Variants in RPS6KA5 observed in about 807,000 individuals in gnomAD.
The protein encoded by RPS6KA5 is ribosomal protein S6 kinase alpha-5.
RPS6KA5 carries 27 observed loss-of-function variants against 85.5 expected under a neutral mutation model. The observed-to-expected ratio is 0.32, with a 90% confidence interval of 0.23 to 0.44. The LOEUF (loss-of-function observed/expected upper bound fraction) is 0.44, where lower values mean the gene tolerates loss of function less well. RPS6KA5 is among the 20% of genes least tolerant of loss of function. The probability of loss-of-function intolerance (pLI) is 1.00; values close to 1 mark genes in which losing one functional copy is unlikely to be tolerated. For missense variants in RPS6KA5, 811 were observed against 980.9 expected, an observed-to-expected ratio of 0.83 and a Z score of 2.31; for synonymous variants, 334 against 348.2, an observed-to-expected ratio of 0.96 and a Z score of 0.46.
chr14:91,006,278 A>C (rs2041015581), intron 1 of RPS6KA5, among the ~76,000 whole-genome samples: 1 of 152,220 alleles, frequency 6.6e-6, no homozygotes, highest in Non-Finnish European at 1.5e-5. Context: ...ATTCTCTTGC[A>C]CTTCTCCCTT....
chr14:90,894,661 A>T, intron 12 of RPS6KA5, 78 bp from the exon 13 acceptor site: 1 of 1,463,500 alleles, frequency 6.8e-7, no homozygotes, highest in East Asian at 2.4e-5. Context: ...TTTATTGACT[A>T]TCTACCACCA....
chr14:90,955,245 T>C (rs1416223876), intron 3 of RPS6KA5, among the ~76,000 whole-genome samples: 2 of 152,190 alleles, frequency 1.3e-5, no homozygotes, highest in Admixed American at 1.3e-4. Flanking sequence ...TGTAGTGTCT[T>C]CATTGTCTCT....
At chr14:90,904,096 A>C (rs534097906) in intron 8 of RPS6KA5, among the ~76,000 whole-genome samples, 12 of 152,092 alleles carry the variant, frequency 7.9e-5, no homozygotes, top group East Asian at 7.7e-4. Flanking sequence ...ACTACAGGCG[A>C]CCGCCACCAT....
chr14:90,953,782 CT>C (rs1187923736), intron 3 of RPS6KA5, among the ~76,000 whole-genome samples: 1 of 152,170 alleles, frequency 6.6e-6, no homozygotes, highest in Non-Finnish European at 1.5e-5. Context: ...CATACTAGGA[CT>C]GGGAAACTCC....
intron 2 of RPS6KA5, among the ~76,000 whole-genome samples, chr14:90,983,600 CA>C (rs1287639211): frequency 6.9e-6 from 1 of 145,050 alleles, no homozygotes; most frequent in Non-Finnish European, 1.5e-5. Flanking sequence ...AACTCTGTCT[CA>C]GGGGGAGAAA....
intron 7 of RPS6KA5, among the ~76,000 whole-genome samples, chr14:90,911,708 C>G (rs2140264115): frequency 1.3e-5 from 2 of 152,128 alleles, no homozygotes; most frequent in East Asian, 3.9e-4. Flanking sequence ...TAAATTTCAG[C>G]AAAAACTGAA....
chr14:90,965,549 G>A (rs1413219113), intron 3 of RPS6KA5, among the ~76,000 whole-genome samples: 1 of 152,108 alleles, frequency 6.6e-6, no homozygotes, highest in South Asian at 2.1e-4. Flanking sequence ...TGGGATTGTG[G>A]GTTTGAGAAG....
At chr14:90,965,560 T>C (rs2039021061) in intron 3 of RPS6KA5, among the ~76,000 whole-genome samples, 1 of 152,012 alleles carries the variant, frequency 6.6e-6, no homozygotes, top group Non-Finnish European at 1.5e-5. Context: ...GTTTGAGAAG[T>C]AATAAGAGGC....
At chr14:90,983,420 G>C (rs2039892622) in intron 2 of RPS6KA5, among the ~76,000 whole-genome samples, 1 of 151,766 alleles carries the variant, frequency 6.6e-6, no homozygotes, top group African/African-American at 2.4e-5. Context: ...GGCAACATAG[G>C]GAGACCCCGT....
chr14:91,036,430 G>A (rs2042413222), intron 1 of RPS6KA5, among the ~76,000 whole-genome samples: 1 of 152,192 alleles, frequency 6.6e-6, no homozygotes, highest in African/African-American at 2.4e-5. Context: ...GTAACAGGAT[G>A]GATGGATGGG....
intron 1 of RPS6KA5, among the ~76,000 whole-genome samples, chr14:91,059,234 G>C (rs2043499228): frequency 7.5e-6 from 1 of 133,852 alleles, no homozygotes; most frequent in Admixed American, 9.3e-5. Context: ...TAGCTACTCC[G>C]GAGGCTGAGG....
chr14:91,022,211 C>T (rs1177405659), intron 1 of RPS6KA5, among the ~76,000 whole-genome samples: 1 of 152,142 alleles, frequency 6.6e-6, no homozygotes, highest in African/African-American at 2.4e-5. Flanking sequence ...GTGAAACTGA[C>T]TTTAAACTTG....
chr14:91,022,835 C>T (rs1164147136), intron 1 of RPS6KA5, among the ~76,000 whole-genome samples: 1 of 151,982 alleles, frequency 6.6e-6, no homozygotes. Context: ...ACATGTAATC[C>T]CAGCACTTTG....
chr14:90,930,011 A>C (rs2036887181), intron 5 of RPS6KA5, among the ~76,000 whole-genome samples: 1 of 152,102 alleles, frequency 6.6e-6, no homozygotes, highest in African/African-American at 2.4e-5. Flanking sequence ...GCTGGGACTA[A>C]AGGCATGCAC....
chr14:90,873,578 T>C lies in RPS6KA5; in HGVS notation c.2160+54A>G, dbSNP rs532963520. ...ATCTGAGGCTACAGAGTAAGAACAT[T>C]TGATTATGATTCCTACTCAAACCGC... On this transcript the variant is annotated intron_variant, in intron 16 of 16. Coordinates refer to ENST00000614987, the MANE Select transcript of RPS6KA5 (RefSeq NM_004755.4). 1.9e-4 allele frequency: 281 copies of C among 1,485,302 alleles called. 1 individual carries two copies. The highest frequency in any genetic ancestry group is 1.7e-3 in the South Asian group (126 of 76,044). 92.0% of individuals were successfully genotyped at this position (1,485,302 alleles called of 1,614,324 possible).
chr14:90,971,423 T>C (rs2039317916), intron 3 of RPS6KA5, among the ~76,000 whole-genome samples: 1 of 152,168 alleles, frequency 6.6e-6, no homozygotes, highest in African/African-American at 2.4e-5. Context: ...CATCTAGCCC[T>C]TCACTGGTCA....
intron 14 of RPS6KA5, among the ~76,000 whole-genome samples, 199 bp from the exon 15 acceptor site, chr14:90,875,559 C>T (rs555709523): frequency 3.9e-5 from 6 of 152,184 alleles, no homozygotes; most frequent in African/African-American, 1.2e-4. Flanking sequence ...TGGGTATATA[C>T]CCAAAGGATT....
At chr14:91,007,885 T>C (rs184612272) in intron 1 of RPS6KA5, among the ~76,000 whole-genome samples, 150 of 152,308 alleles carry the variant, frequency 9.8e-4, no homozygotes, top group African/African-American at 3.1e-3. Context: ...AAAATAGGCC[T>C]AAAGCAGACC....
chr14:90,945,356 A>G (rs1471799918), intron 4 of RPS6KA5, among the ~76,000 whole-genome samples: 1 of 152,258 alleles, frequency 6.6e-6, no homozygotes, highest in Non-Finnish European at 1.5e-5. Flanking sequence ...TATATTGAAC[A>G]GACATTGACT....
Sources: gnomAD v4.1 joint callset for allele counts (sites outside exome capture counted in the v4.1 genomes callset) on GRCh38, gnomAD v4.1.1 for gene constraint, MANE v1.5 for transcripts, NCBI Gene and HGNC (gene_info 2026-07-23, HGNC 2026-07-21) for gene names.